Variants in SEM1 observed in about 807,000 individuals in gnomAD.
SEM1 encodes 26S proteasome complex subunit SEM1.
In SEM1, 3 loss-of-function variants were observed where a neutral mutation model predicts 12.7. That is an observed-to-expected ratio of 0.24 (90% CI 0.11 to 0.61). The LOEUF (loss-of-function observed/expected upper bound fraction) is 0.61. Ranked by LOEUF, SEM1 falls within the 20% of genes least tolerant of loss-of-function variation. SEM1 has a pLI of 0.88. For missense variants in SEM1, 59 were observed against 81.3 expected (o/e 0.73, Z 1.06); for synonymous variants, 30 against 27.8 (o/e 1.08, Z -0.25).
intron 2 of SEM1, among the ~76,000 whole-genome samples, chr7:96,677,301 A>T (rs528502267): frequency 3.6e-4 from 55 of 152,304 alleles, no homozygotes; most frequent in Admixed American, 1.8e-3. Context: ...AAGCTTGTTA[A>T]GGTAACAAAG....
chr7:96,642,494 T>C (rs958791098), intron 2 of SEM1, among the ~76,000 whole-genome samples: 2 of 152,002 alleles, frequency 1.3e-5, no homozygotes, highest in South Asian at 4.1e-4. Flanking sequence ...CTCCCTCTTT[T>C]TTTTTCTCAT....
intron 2 of SEM1, among the ~76,000 whole-genome samples, chr7:96,564,245 T>C (rs1805779159): frequency 6.6e-6 from 1 of 152,036 alleles, no homozygotes. Flanking sequence ...GTCTTTATCT[T>C]AAGGCTGATC....
At chr7:96,574,129 C>T (rs1198033364) in intron 2 of SEM1, among the ~76,000 whole-genome samples, 1 of 152,064 alleles carries the variant, frequency 6.6e-6, no homozygotes, top group East Asian at 1.9e-4. Context: ...TGTTCCCCTT[C>T]CTGTGTCCAT....
At chr7:96,623,331 A>G (rs1807954619) in intron 2 of SEM1, among the ~76,000 whole-genome samples, 1 of 152,018 alleles carries the variant, frequency 6.6e-6, no homozygotes, top group African/African-American at 2.4e-5. Context: ...CCAACTGTAG[A>G]CAGCAGATTG....
chr7:96,535,714 G>C (rs145096049), intron 2 of SEM1, among the ~76,000 whole-genome samples: 1 of 151,738 alleles, frequency 6.6e-6, no homozygotes, highest in Non-Finnish European at 1.5e-5. Context: ...TGTGGTATTC[G>C]GTTTTCTGTT....
Position 96,605,481 on chromosome 7 carries a change from A to T in SEM1, c.170+89317T>A, listed in dbSNP as rs187176035. Among the ~76,000 whole-genome samples, 745 of 152,310 alleles carry T rather than the reference A, an allele frequency of 4.9e-3. 9 individuals are homozygous for T. The highest frequency in any genetic ancestry group is 0.017 in the African/African-American group (712 of 41,560). The stretch of plus-strand genomic sequence containing the variant: ...ATATTTGGGGAGCTGGTCAGGAGTT[A>T]CCCTCTGACCTCACTCTGTCTGAGT... On this transcript the variant is annotated intron_variant and NMD_transcript_variant, in intron 2 of 3. Transcript: ENST00000466986.
intron 2 of SEM1, among the ~76,000 whole-genome samples, chr7:96,602,474 A>ATATC (rs1406356936): frequency 6.6e-6 from 1 of 152,116 alleles, no homozygotes; most frequent in African/African-American, 2.4e-5. Flanking sequence ...CAGCTCACCA[A>ATATC]TATCTCCGTC....
At chr7:96,687,518 T>G (rs1279657137), downstream of SEM1, among the ~76,000 whole-genome samples, 1 of 151,434 alleles carries the variant, frequency 6.6e-6, no homozygotes, top group East Asian at 1.9e-4. Flanking sequence ...TCATTCTCAG[T>G]AAACTATCGC....
At chr7:96,520,821 G>A (rs943607857) in intron 2 of SEM1, among the ~76,000 whole-genome samples, 2 of 152,024 alleles carry the variant, frequency 1.3e-5, no homozygotes, top group African/African-American at 2.4e-5. Context: ...TGGCCTCCCC[G>A]ATGCCCAGGC....
chr7:96,527,420 T>G (rs1563047103), intron 2 of SEM1, among the ~76,000 whole-genome samples: 2 of 152,146 alleles, frequency 1.3e-5, no homozygotes. Flanking sequence ...CAGCTTTTTG[T>G]GTACCAGGGT....
intron 2 of SEM1, among the ~76,000 whole-genome samples, chr7:96,638,200 G>A (rs1808486607): frequency 2.0e-5 from 3 of 151,896 alleles, no homozygotes; most frequent in African/African-American, 7.3e-5. Context: ...AGCTCCTTTC[G>A]GAGAAGACCA....
intron 2 of SEM1, among the ~76,000 whole-genome samples, chr7:96,515,106 T>C (rs1804048377): frequency 6.6e-6 from 1 of 152,130 alleles, no homozygotes; most frequent in Admixed American, 6.6e-5. Context: ...AATCAACTGA[T>C]ATTTGACAAA....
intron 2 of SEM1, among the ~76,000 whole-genome samples, chr7:96,625,125 A>G (rs578101201): frequency 1.7e-4 from 26 of 152,252 alleles, no homozygotes; most frequent in African/African-American, 5.8e-4. Context: ...TTTTGCCATT[A>G]GGGAATCCCA....
chr7:96,562,891 C>T (rs1490949009), intron 2 of SEM1, among the ~76,000 whole-genome samples: 2 of 152,188 alleles, frequency 1.3e-5, no homozygotes, highest in Admixed American at 6.5e-5. Flanking sequence ...CCTCCAATAG[C>T]TTTCCTTCGT....
intron 2 of SEM1, among the ~76,000 whole-genome samples, chr7:96,642,873 G>C (rs1000743655): frequency 6.6e-6 from 1 of 151,536 alleles, no homozygotes; most frequent in Non-Finnish European, 1.5e-5. Flanking sequence ...ACTACTTCTT[G>C]TCCCTAATTT....
At chr7:96,709,603 A>G in intron 1 of SEM1, 85 bp downstream of exon 1, 1 of 1,324,308 alleles carries the variant, frequency 7.6e-7, no homozygotes, top group Non-Finnish European at 1.1e-6. Flanking sequence ...CGGTGCCCCC[A>G]GCTGGGCCCG....
intron 2 of SEM1, among the ~76,000 whole-genome samples, chr7:96,556,552 A>T (rs2115882167): frequency 6.6e-6 from 1 of 152,270 alleles, no homozygotes; most frequent in Middle Eastern, 3.4e-3. Context: ...GTTTCTGCCG[A>T]GAAATCCGCT....
intron 2 of SEM1, among the ~76,000 whole-genome samples, chr7:96,567,028 A>G (rs1805860500): frequency 6.6e-6 from 1 of 151,626 alleles, no homozygotes. Flanking sequence ...GTTTTAATTA[A>G]TATAGCATTT....
chr7:96,649,740 A>T (rs1808909189), intron 2 of SEM1: 1 of 152,174 alleles, frequency 6.6e-6, no homozygotes, highest in African/African-American at 2.4e-5. Flanking sequence ...TTGAAGTTGA[A>T]CCAAGCCCTG....
Sources: allele counts gnomAD v4.1 joint callset (sites outside exome capture counted in the v4.1 genomes callset), GRCh38; gene constraint gnomAD v4.1.1; transcripts MANE v1.5; gene names NCBI Gene and HGNC (gene_info 2026-07-23, HGNC 2026-07-21).